Variants in NPAS3 observed in about 807,000 individuals in gnomAD.
NPAS3 encodes neuronal PAS domain protein 3.
Under a neutral mutation model 73.1 loss-of-function variants are expected in NPAS3, and 14 were observed. The observed-to-expected ratio is 0.19, with a 90% confidence interval of 0.13 to 0.30. The LOEUF (loss-of-function observed/expected upper bound fraction) is 0.30, where lower values mean the gene tolerates loss of function less well. NPAS3 is among the 10% of genes least tolerant of loss of function. The pLI, the probability that NPAS3 is intolerant of heterozygous loss-of-function variation, is 1.00. For missense variants in NPAS3, 1,096 were observed against 1,250.0 expected (o/e 0.88, Z 1.86); for synonymous variants, 620 against 541.5 (o/e 1.14, Z -2.01).
intron 3 of NPAS3, among the ~76,000 whole-genome samples, chr14:33,335,803 A>G: frequency 6.6e-6 from 1 of 152,146 alleles, no homozygotes; most frequent in East Asian, 1.9e-4. Context: ...GAAGTATTTC[A>G]TTGAATGGAT....
chr14:33,349,128 G>A (rs1392493288), intron 3 of NPAS3, among the ~76,000 whole-genome samples: 1 of 152,098 alleles, frequency 6.6e-6, no homozygotes, highest in Non-Finnish European at 1.5e-5. Flanking sequence ...GATTAACTAT[G>A]GCTTTTCTTT....
intron 3 of NPAS3, among the ~76,000 whole-genome samples, chr14:33,335,751 A>T (rs2044200026): frequency 6.6e-6 from 1 of 152,160 alleles, no homozygotes; most frequent in Non-Finnish European, 1.5e-5. Flanking sequence ...TGCCCCTTAT[A>T]GCATACTACA....
chr14:33,493,814 G>A (rs1390619395), intron 4 of NPAS3, among the ~76,000 whole-genome samples: 1 of 152,124 alleles, frequency 6.6e-6, no homozygotes, highest in African/African-American at 2.4e-5. Context: ...CATAAAGGAT[G>A]TTTTGTCACT....
At position 33,100,339 on chromosome 14, in the gene NPAS3, T is replaced by C. The variant is rs570241196; in HGVS notation, c.140+44345T>C. Among the ~76,000 whole-genome samples the C allele has an allele frequency of 5.9e-5, 9 of 152,290 alleles. No homozygotes were observed. The South Asian group carries it at 1.9e-3, about 32-fold the overall frequency. On this transcript the variant is annotated intron_variant, in intron 2 of 11. Transcript: ENST00000356141. ...TGAACCACTTTTTGAAAAACTTTTG[T>C]CATGATGAGTTTATTGCTAAGAGTT...
At chr14:32,974,961 A>G (rs2037592149) in intron 1 of NPAS3, among the ~76,000 whole-genome samples, 1 of 152,204 alleles carries the variant, frequency 6.6e-6, no homozygotes, top group South Asian at 2.1e-4. Flanking sequence ...ATAAATATAG[A>G]GTATCTGATT....
chr14:33,571,354 G>A (rs780911436), intron 5 of NPAS3, among the ~76,000 whole-genome samples: 1 of 151,994 alleles, frequency 6.6e-6, no homozygotes, highest in Admixed American at 6.5e-5. Context: ...ACATTTTTTC[G>A]TAAGCACTGG....
intron 2 of NPAS3, among the ~76,000 whole-genome samples, chr14:33,089,430 G>C (rs1362322509): frequency 2.0e-5 from 3 of 152,152 alleles, no homozygotes; most frequent in African/African-American, 7.2e-5. Flanking sequence ...GAAATGAAGT[G>C]AGAAGAGAAG....
At chr14:33,171,708 C>T (rs1401930511) in intron 2 of NPAS3, among the ~76,000 whole-genome samples, 2 of 152,210 alleles carry the variant, frequency 1.3e-5, no homozygotes, top group Non-Finnish European at 2.9e-5. Flanking sequence ...TGTGTGTTCA[C>T]TGACTGGAGT....
At chr14:32,962,569 C>CTTTTTTTTTTT (rs71432096) in intron 1 of NPAS3, among the ~76,000 whole-genome samples, 29 of 110,646 alleles carry the variant, frequency 2.6e-4, no homozygotes, top group Non-Finnish European at 3.4e-4. Flanking sequence ...TTTTTCTTTT[C>CTTTTTTTTTTT]TTTTTTTTTT....
intron 2 of NPAS3, among the ~76,000 whole-genome samples, chr14:33,110,705 ACTG>A (rs2042863661): frequency 6.6e-6 from 1 of 152,134 alleles, no homozygotes. Context: ...ATTTTTTCCT[ACTG>A]CTTCCTGGGA....
chr14:33,076,695 AG>A (rs2041671012), intron 2 of NPAS3, among the ~76,000 whole-genome samples: 1 of 152,206 alleles, frequency 6.6e-6, no homozygotes, highest in Admixed American at 6.5e-5. Flanking sequence ...CTTCATATAC[AG>A]TATATTGAGC....
chr14:33,629,003 G>T (rs1457263877), intron 5 of NPAS3, among the ~76,000 whole-genome samples: 1 of 152,036 alleles, frequency 6.6e-6, no homozygotes, highest in Non-Finnish European at 1.5e-5. Context: ...AGGCTGAGGC[G>T]GGTGGATCAC....
chr14:33,766,713 C>T (rs949577578), intron 7 of NPAS3, among the ~76,000 whole-genome samples: 1 of 152,254 alleles, frequency 6.6e-6, no homozygotes, highest in African/African-American at 2.4e-5. Context: ...CAAAAAGACC[C>T]CTACCATCCA....
intron 3 of NPAS3, among the ~76,000 whole-genome samples, chr14:33,269,637 G>A (rs948879211): frequency 1.3e-5 from 2 of 152,136 alleles, no homozygotes; most frequent in South Asian, 2.1e-4. Context: ...TACAAGTCAG[G>A]GTGTTAGGAA....
At chr14:33,563,021 T>C (rs2055729017) in intron 5 of NPAS3, among the ~76,000 whole-genome samples, 1 of 152,154 alleles carries the variant, frequency 6.6e-6, no homozygotes, top group Non-Finnish European at 1.5e-5. Context: ...TGTAAAGTTA[T>C]GGACCCTCCT....
chr14:33,055,716 T>C lies in NPAS3; in HGVS notation c.51-189T>C, dbSNP rs1213811192. On this transcript the variant is annotated intron_variant, in intron 1 of 11. Coordinates refer to ENST00000356141, the Ensembl canonical transcript of NPAS3. ...CTGATAAAGAACTGAAAAAGTTGCTTTTCTCTGACTGCAGTTTTCTAAAAG... is the reference window on the plus strand; with the variant it reads ...CTGATAAAGAACTGAAAAAGTTGCTCTTCTCTGACTGCAGTTTTCTAAAAG... 2.6e-5 allele frequency among the ~76,000 whole-genome samples: 4 copies of C among 152,136 alleles called. No individual in the cohort carries two copies. In the East Asian group the frequency reaches 7.7e-4, roughly 29 times the overall value.
intron 1 of NPAS3, among the ~76,000 whole-genome samples, chr14:32,946,761 ATAAGTTGCCTTT>A (rs2036280048): frequency 6.6e-6 from 1 of 152,226 alleles, no homozygotes; most frequent in African/African-American, 2.4e-5. Flanking sequence ...TTATGAAAGG[ATAAGTTGCCTTT>A]TAAGTTGCAA....
chr14:33,633,565 C>T (rs917501929), intron 5 of NPAS3, among the ~76,000 whole-genome samples: 7 of 152,204 alleles, frequency 4.6e-5, no homozygotes, highest in Admixed American at 1.3e-4. Context: ...TACTGTACTG[C>T]ATACTGTAGG....
intron 6 of NPAS3, among the ~76,000 whole-genome samples, chr14:33,679,345 G>A (rs2059867442): frequency 6.6e-6 from 1 of 152,318 alleles, no homozygotes; most frequent in Non-Finnish European, 1.5e-5. Flanking sequence ...TACCTTAAAT[G>A]AAATATCTTC....
Sources: allele counts gnomAD v4.1 joint callset (sites outside exome capture counted in the v4.1 genomes callset), GRCh38; gene constraint gnomAD v4.1.1; transcripts MANE v1.5; gene names NCBI Gene and HGNC (gene_info 2026-07-23, HGNC 2026-07-21).